GRB14: variants seen among roughly 807,000 people sequenced by gnomAD.
GRB14 encodes growth factor receptor bound protein 14, also known as growth factor receptor-bound protein 14.
Under a neutral mutation model 69.1 loss-of-function variants are expected in GRB14, and 38 were observed. The ratio of observed to expected loss-of-function variants is 0.55; its 90% confidence interval spans 0.42 to 0.72. GRB14 has a LOEUF of 0.72. Among genes scored for constraint, GRB14 ranks in the 30% least tolerant of loss-of-function variants. The pLI is 0.00. For synonymous variants in GRB14, 247 were observed against 241.3 expected (o/e 1.02, Z -0.22); for missense variants, 666 against 666.1 (o/e 1.00, Z 0.00).
intron 6 of GRB14, 114 bp from the exon 7 acceptor site, chr2:164,508,966 T>C (rs538257325): frequency 7.9e-5 from 40 of 508,606 alleles, no homozygotes; most frequent in Middle Eastern, 5.4e-4. Context: ...AAGTTCAATA[T>C]GATGCCACAA....
At chr2:164,551,074 T>C (rs1241441110) in intron 2 of GRB14, among the ~76,000 whole-genome samples, 1 of 152,334 alleles carries the variant, frequency 6.6e-6, no homozygotes, top group East Asian at 1.9e-4. Flanking sequence ...TGGAAGTATT[T>C]ATATGATAGA....
At chr2:164,581,258 C>G (rs1689397306) in intron 2 of GRB14, among the ~76,000 whole-genome samples, 1 of 152,112 alleles carries the variant, frequency 6.6e-6, no homozygotes. Context: ...GTCCTAATTC[C>G]TGGAAGCTGT....
chr2:164,506,664 A>G (rs1325633816), intron 8 of GRB14, among the ~76,000 whole-genome samples: 1 of 152,214 alleles, frequency 6.6e-6, no homozygotes, highest in Admixed American at 6.5e-5. Flanking sequence ...ACATATTCAT[A>G]GCAGCACTAT....
chr2:164,529,592 C>G lies in GRB14; in HGVS notation c.482-2457G>C, dbSNP rs548655955. Among the ~76,000 whole-genome samples, 5 of 152,266 alleles carry G rather than the reference C, an allele frequency of 3.3e-5. No individual in the cohort carries two copies. In the South Asian group the frequency reaches 1.0e-3, roughly 32 times the overall value. On this transcript the variant is annotated intron_variant, in intron 3 of 13. Coordinates refer to ENST00000263915, the MANE Select transcript of GRB14 (RefSeq NM_004490.3). The stretch of plus-strand genomic sequence containing the variant: ...TCTACGTCTGCTCCAATATCTTCTA[C>G]TCCTGAAATTCTCAGATAGCAGGGA...
At chr2:164,574,035 G>C (rs1689184347) in intron 2 of GRB14, 1 of 1,318,964 alleles carries the variant, frequency 7.6e-7, no homozygotes, top group Non-Finnish European at 1.1e-6. Context: ...GATTGTTGCA[G>C]CAATAAATAT....
intron 2 of GRB14, among the ~76,000 whole-genome samples, chr2:164,556,794 T>A (rs1178404088): frequency 1.3e-5 from 2 of 152,170 alleles, no homozygotes; most frequent in African/African-American, 4.8e-5. Flanking sequence ...ATAAGAACGA[T>A]GTATGACATC....
intron 2 of GRB14, among the ~76,000 whole-genome samples, chr2:164,593,217 A>G (rs1689707854): frequency 6.6e-6 from 1 of 152,226 alleles, no homozygotes; most frequent in Non-Finnish European, 1.5e-5. Flanking sequence ...GAGGGAGGTG[A>G]CACGTGCTGA....
chr2:164,493,330 G>GT (rs34511564), intron 13 of GRB14, 148 bp from the exon 14 acceptor site: 50 of 623,174 alleles, frequency 8.0e-5, no homozygotes, highest in Middle Eastern at 3.1e-4. Flanking sequence ...ATATCTACTT[G>GT]TTTTTTTTAA....
chr2:164,547,735 G>A lies in GRB14; in HGVS notation c.406C>T (p.Leu136=). Residue 136 remains leucine, a synonymous_variant, in exon 3 of 14, where the codon CTG becomes TTG. Transcript: ENST00000263915. ...SDITARDVCQ[L]LILKNHYIDD... ...ATGTAATGATTCTTCAGGATCAACA[G>A]CTGACAAACATCTCGAGCCGTTATG... 1 of 1,613,628 alleles carries A rather than the reference G, an allele frequency of 6.2e-7. No homozygotes were observed. Among genetic ancestry groups the A allele is most frequent in the Non-Finnish European group, 8.5e-7 (1 of 1,179,662 alleles).
intron 3 of GRB14, among the ~76,000 whole-genome samples, chr2:164,544,441 G>C (rs1229619278): frequency 6.6e-6 from 1 of 152,022 alleles, no homozygotes; most frequent in Non-Finnish European, 1.5e-5. Context: ...AAAAATTTAA[G>C]AATATAAAAT....
In GRB14 at chr2:164,527,005, T is replaced by C. The variant is rs1160415677; in HGVS notation, c.603+9A>G. On this transcript the variant is annotated intron_variant, in intron 4 of 13. Transcript: ENST00000263915. The stretch of plus-strand genomic sequence containing the variant: ...ATTTTCCGTAACTATTAGGAGGGAT[T>C]TCACTTACCATTGGGTTTTTAAAGA... 1 of 1,564,968 alleles carries C rather than the reference T, an allele frequency of 6.4e-7. No homozygotes were observed. Among genetic ancestry groups the C allele is most frequent in the South Asian group, 1.2e-5 (1 of 86,428 alleles).
rs541470506 is a variant in GRB14, at chr2:164,507,844, C to T, written c.1023+611G>A. 1.6e-4 allele frequency among the ~76,000 whole-genome samples: 25 copies of T among 152,272 alleles called. No individual in the cohort carries two copies. In the South Asian group the frequency reaches 5.0e-3, roughly 30 times the overall value. On this transcript the variant is annotated intron_variant, in intron 8 of 13. Transcript: ENST00000263915. ...GCTTTCTATACATTCTGGAAGACATCAGTTCTGCTTTTATTTCCTATGAGA... is the reference window on the plus strand; with the variant it reads ...GCTTTCTATACATTCTGGAAGACATTAGTTCTGCTTTTATTTCCTATGAGA...
At chr2:164,544,792 C>T (rs1688328355) in intron 3 of GRB14, among the ~76,000 whole-genome samples, 1 of 152,166 alleles carries the variant, frequency 6.6e-6, no homozygotes, top group South Asian at 2.1e-4. Flanking sequence ...TCTCCACAGG[C>T]CTTACTCTAT....
intron 9 of GRB14, among the ~76,000 whole-genome samples, chr2:164,499,012 A>G (rs1574242458): frequency 6.6e-6 from 1 of 152,084 alleles, no homozygotes; most frequent in East Asian, 1.9e-4. Flanking sequence ...TCACCCCGTG[A>G]TCTTCTGTGC....
At chr2:164,530,977 A>C (rs2105292957) in intron 3 of GRB14, among the ~76,000 whole-genome samples, 1 of 152,340 alleles carries the variant, frequency 6.6e-6, no homozygotes, top group Non-Finnish European at 1.5e-5. Flanking sequence ...GATGCAGCTT[A>C]CATTAGCATG....
chr2:164,508,372 T>A, intron 8 of GRB14, 83 bp downstream of exon 8: 2 of 1,089,430 alleles, frequency 1.8e-6, no homozygotes, highest in Non-Finnish European at 2.8e-6. Context: ...CCAGTGAGAC[T>A]TCACGTTCTG....
chr2:164,501,860 T>C (rs1294178227), intron 9 of GRB14, among the ~76,000 whole-genome samples: 1 of 151,954 alleles, frequency 6.6e-6, no homozygotes, highest in Non-Finnish European at 1.5e-5. Flanking sequence ...TAAAATAAAA[T>C]ATGAAACCAC....
chr2:164,552,901 C>G (rs893545921), intron 2 of GRB14, among the ~76,000 whole-genome samples: 12 of 152,148 alleles, frequency 7.9e-5, no homozygotes, highest in Admixed American at 6.5e-4. Flanking sequence ...TGAAGATGAC[C>G]ACTCCTGAGA....
chr2:164,545,650 C>T (rs1166793925), intron 3 of GRB14, among the ~76,000 whole-genome samples: 10 of 152,076 alleles, frequency 6.6e-5, no homozygotes, highest in East Asian at 1.9e-4. Flanking sequence ...TGCTTTAAGA[C>T]GAGTTTGTGG....
Sources: gnomAD v4.1 joint callset for allele counts (sites outside exome capture counted in the v4.1 genomes callset) on GRCh38, gnomAD v4.1.1 for gene constraint, MANE v1.5 for transcripts, NCBI Gene and HGNC (gene_info 2026-07-23, HGNC 2026-07-21) for gene names.